The following UNC5B variants were observed in gnomAD, a reference collection of about 807,000 sequenced individuals.
UNC5B encodes unc-5 netrin receptor B, also known as netrin receptor UNC5B.
UNC5B carries 56 observed loss-of-function variants against 103.7 expected under a neutral mutation model. The observed-to-expected ratio is 0.54, with a 90% confidence interval of 0.44 to 0.67. The LOEUF is 0.67. Ranked by LOEUF, UNC5B falls within the 30% of genes least tolerant of loss-of-function variation. The pLI is 0.00. For synonymous variants in UNC5B, 577 were observed against 542.0 expected (o/e 1.06, Z -0.90); for missense variants, 1,194 against 1,284.5 (o/e 0.93, Z 1.08).
At chr10:71,271,209 G>A (rs933722494) in intron 1 of UNC5B, among the ~76,000 whole-genome samples, 6 of 152,226 alleles carry the variant, frequency 3.9e-5, no homozygotes, top group African/African-American at 1.4e-4. Context: ...GGTTTTGGTG[G>A]CTGTGACCTC....
At chr10:71,288,514 T>G in intron 6 of UNC5B, 54 bp from the exon 7 acceptor site, 1 of 1,579,398 alleles carries the variant, frequency 6.3e-7, no homozygotes, top group Non-Finnish European at 8.6e-7. Context: ...CACACATAAC[T>G]ATGTGTGCAC....
At chr10:71,226,802 T>C (rs1843573043) in intron 1 of UNC5B, among the ~76,000 whole-genome samples, 1 of 152,238 alleles carries the variant, frequency 6.6e-6, no homozygotes, top group Non-Finnish European at 1.5e-5. Flanking sequence ...AAAATCATAT[T>C]ATTATCTTCA....
chr10:71,278,775 C>T (rs1034930682), intron 1 of UNC5B, among the ~76,000 whole-genome samples: 4 of 152,364 alleles, frequency 2.6e-5, no homozygotes, highest in Admixed American at 6.5e-5. Context: ...GGCGGCCATG[C>T]GCCACCCCAC....
rs928915576 is a variant in UNC5B, at chr10:71,213,634, C to T, written c.79+570C>T. 2.6e-5 allele frequency among the ~76,000 whole-genome samples: 4 copies of T among 151,660 alleles called. No homozygotes were observed. The highest frequency in any genetic ancestry group is 9.7e-5 in the African/African-American group (4 of 41,234). ...AGCGGGGAGGGCTAAGTCTTGCACA[C>T]ATAGCTTTCCCCGAGATCGCTGGGC... On this transcript the variant is annotated intron_variant, in intron 1 of 16. Transcript: ENST00000335350. The surrounding 1 kb of genome is among the most constrained non-coding windows in gnomAD (Gnocchi z 4.1).
rs144371231 is a variant in UNC5B at position 71,213,728 on chromosome 10, A to AGAGTGTGTGTGTGTGTGTGTGTGT, written c.79+665_79+666insAGTGTGTGTGTGTGTGTGTGTGTG. ...ATTATTAATTTTCTGAGTGTTGGAG[A>AGAGTGTGTGTGTGTGTGTGTGTGT]GTGTGTGTGTGTGTGTGTGTGTGTG... On this transcript the variant is annotated intron_variant, in intron 1 of 16. Transcript: ENST00000335350. This position sits in a 1 kb window ranked among gnomAD's most constrained non-coding sequence, Gnocchi z 4.1. Among the ~76,000 whole-genome samples the AGAGTGTGTGTGTGTGTGTGTGTGT allele has an allele frequency of 7.6e-6, 1 of 131,474 alleles. No individual in the cohort carries two copies. Among genetic ancestry groups the AGAGTGTGTGTGTGTGTGTGTGTGT allele is most frequent in the African/African-American group, 2.9e-5 (1 of 34,208 alleles). 86.3% of individuals were successfully genotyped at this position (131,474 alleles called of 152,430 possible). A position where few individuals can be genotyped will look rare whatever the true frequency, so the allele number is the denominator to read the frequency against.
chr10:71,278,009 C>T (rs553242019), intron 1 of UNC5B, among the ~76,000 whole-genome samples: 34 of 152,322 alleles, frequency 2.2e-4, no homozygotes, highest in African/African-American at 7.5e-4. Context: ...TCTGGGGCAA[C>T]AGCCCAAACG....
At chr10:71,246,713 T>G (rs563398665) in intron 1 of UNC5B, among the ~76,000 whole-genome samples, 2 of 152,198 alleles carry the variant, frequency 1.3e-5, no homozygotes, top group South Asian at 4.1e-4. Context: ...TCAAAACCCT[T>G]TCAGAGCCAG....
rs1331766231 is a variant in UNC5B at position 71,293,789 on chromosome 10, G to A, written c.2031G>A (p.Leu677=). ...CCTGTCACATCCTGCTGGACCAGCTGGGCACCTACGTGTTCACGGGCGAGT... is the reference window on the plus strand; with the variant it reads ...CCTGTCACATCCTGCTGGACCAGCTAGGCACCTACGTGTTCACGGGCGAGT... ...PRACHILLDQ[L]GTYVFTGESY... is the part of the protein sequence containing the mutation. The change falls in exon 13 of 17, where the codon CTG becomes CTA. Residue 677 remains leucine, a synonymous_variant. Transcript: ENST00000335350. 2.5e-6 allele frequency: 4 copies of A among 1,605,778 alleles called. No homozygotes were observed. Among genetic ancestry groups the A allele is most frequent in the Non-Finnish European group, 3.4e-6 (4 of 1,176,452 alleles).
chr10:71,302,728 G>T lies in UNC5B; in HGVS notation c.*3451G>T, dbSNP rs944622980. The T allele has an allele frequency of 1.3e-5, 2 of 152,166 alleles. No homozygotes were observed. Among genetic ancestry groups the T allele is most frequent in the Admixed American group, 6.5e-5 (1 of 15,282 alleles). The allele number at this position is 152,166 out of a possible 1,614,324, so 9.4% of individuals were successfully genotyped here. A position where few individuals can be genotyped will look rare whatever the true frequency, so the allele number is the denominator to read the frequency against. On this transcript the variant is annotated 3_prime_UTR_variant, in exon 17 of 17. Transcript: ENST00000335350. ...CATGGTTATATGCCCGGGAGAGGGG[G>T]GTGCAGGGCCCCAGGGATGGCCCCC...
In UNC5B at chr10:71,212,991, G is replaced by A. The variant is rs1328711149; in HGVS notation, c.6G>A (p.Gly2=). 13 of 1,395,764 alleles carry A rather than the reference G, an allele frequency of 9.3e-6. No homozygotes were observed. The highest frequency in any genetic ancestry group is 1.2e-5 in the Non-Finnish European group (13 of 1,070,054). The allele number at this position is 1,395,764 out of a possible 1,614,324, so 86.5% of individuals were successfully genotyped here. The change falls in exon 1 of 17, where the codon GGG becomes GGA. Residue 2 remains glycine, a synonymous_variant. Transcript: ENST00000335350. The part of the protein sequence containing the change: M[G]ARSGARGALL... ...CCGAACCAGGCCGCGGGAGCATGGG[G>A]GCCCGGAGCGGAGCTCGGGGCGCGC...
intron 13 of UNC5B, among the ~76,000 whole-genome samples, chr10:71,294,888 C>T (rs1375746385): frequency 1.3e-5 from 2 of 152,138 alleles, no homozygotes; most frequent in Non-Finnish European, 2.9e-5. Context: ...CCAAGTTCTC[C>T]TCCCATTCTC....
At chr10:71,229,862 C>T (rs1340855276) in intron 1 of UNC5B, among the ~76,000 whole-genome samples, 1 of 152,096 alleles carries the variant, frequency 6.6e-6, no homozygotes, top group Non-Finnish European at 1.5e-5. Context: ...AGCCCCATGC[C>T]ATCTCTGGCT....
intron 1 of UNC5B, among the ~76,000 whole-genome samples, chr10:71,274,234 GC>G (rs5786031): frequency 0.66 from 99,669 of 151,872 alleles, 35,395 homozygotes; most frequent in Non-Finnish European, 0.79. Context: ...GGTGGCGGGT[GC>G]CTGTAATCCC....
rs143481945 is a variant in UNC5B, at chr10:71,256,229, G to A, written c.80-23592G>A. ...CCCAGAGGTGAACAGGTGAGTGGAC[G>A]AGTACCCGCCACACCCCTATGCTGC... On this transcript the variant is annotated intron_variant, in intron 1 of 16. Transcript: ENST00000335350. 8.4e-3 allele frequency among the ~76,000 whole-genome samples: 1,286 copies of A among 152,206 alleles called. 12 individuals carry two copies. Among genetic ancestry groups the A allele is most frequent in the South Asian group, 0.03 (145 of 4,818 alleles).
intron 1 of UNC5B, among the ~76,000 whole-genome samples, chr10:71,229,478 A>AGCCTGCAGAGGGCGGGGCAGG (rs1319035528): frequency 2.0e-5 from 3 of 152,274 alleles, no homozygotes; most frequent in Non-Finnish European, 4.4e-5. Context: ...GATCCTGAGG[A>AGCCTGCAGAGGGCGGGGCAGG]GCCTGCAGAG....
chr10:71,297,723 G>A (rs1845477845), intron 15 of UNC5B, among the ~76,000 whole-genome samples, 186 bp from the exon 16 acceptor site: 1 of 152,256 alleles, frequency 6.6e-6, no homozygotes, highest in African/African-American at 2.4e-5. Flanking sequence ...CTGAAGGGTG[G>A]CCATGCAGGC....
intron 1 of UNC5B, among the ~76,000 whole-genome samples, chr10:71,262,282 T>A (rs1415379383): frequency 6.6e-6 from 1 of 151,786 alleles, no homozygotes; most frequent in Non-Finnish European, 1.5e-5. Context: ...GAAGGAGGAC[T>A]CTAATTATAG....
intron 10 of UNC5B, among the ~76,000 whole-genome samples, chr10:71,292,151 G>T (rs1371621665): frequency 6.6e-6 from 1 of 152,174 alleles, no homozygotes; most frequent in Non-Finnish European, 1.5e-5. Flanking sequence ...AGGGACAGGG[G>T]CGCCTGTTTT....
intron 1 of UNC5B, among the ~76,000 whole-genome samples, chr10:71,250,614 C>T (rs1010838229): frequency 1.8e-4 from 28 of 152,112 alleles, no homozygotes; most frequent in African/African-American, 6.5e-4. Context: ...GACTCATTTA[C>T]AGAAGTCAGC....
Sources: gnomAD v4.1 joint callset for allele counts (sites outside exome capture counted in the v4.1 genomes callset) on GRCh38, gnomAD v4.1.1 for gene constraint, Gnocchi (gnomAD v3.1) non-coding constraint, MANE v1.5 for transcripts, NCBI Gene and HGNC (gene_info 2026-07-23, HGNC 2026-07-21) for gene names.